Variants in OPRM1 observed in about 807,000 individuals in gnomAD.
OPRM1 encodes mu-type opioid receptor.
A neutral mutation model predicts 31.8 loss-of-function variants in OPRM1; 27 were observed. The ratio of observed to expected loss-of-function variants is 0.85; its 90% CI spans 0.63 to 1.17. The LOEUF is 1.17. Ranked by LOEUF, OPRM1 falls within the 50% of genes most tolerant of loss-of-function variation. The pLI, the probability that OPRM1 is intolerant of heterozygous loss-of-function variation, is 0.00. For synonymous variants in OPRM1, 196 were observed against 189.9 expected (o/e 1.03, Z -0.26); for missense variants, 536 against 511.1 (o/e 1.05, Z -0.47).
At chr6:154,030,051 T>C (rs1403598581) in intron 1 of OPRM1, among the ~76,000 whole-genome samples, 2 of 145,136 alleles carry the variant, frequency 1.4e-5, no homozygotes, top group Non-Finnish European at 2.9e-5. Context: ...CTCTTTCCTT[T>C]AAAAATTACC....
rs1225819973 is a variant in OPRM1, at chr6:154,246,695, A to G, written c.1167A>G (p.Pro389=). The change falls in exon 4 of 4, where the codon CCA becomes CCG. Residue 389 remains proline (P), a splice_region_variant and synonymous_variant. Transcript: ENST00000337049. ...CCCTTTTCCTTTTTCTTATACAGCC[A>G]CCCTTGGCAGTCAGCATGGCCCAGA... 3 of 1,613,786 alleles carry G rather than the reference A, an allele frequency of 1.9e-6. No homozygotes were observed. The Admixed American group carries it at 5.0e-5, about 27-fold the overall frequency.
At chr6:154,231,067 C>G (rs1389841239) in intron 3 of OPRM1, among the ~76,000 whole-genome samples, 3 of 152,188 alleles carry the variant, frequency 2.0e-5, no homozygotes, top group Non-Finnish European at 4.4e-5. Context: ...CCAAAACCCC[C>G]AGGGCACTGG....
chr6:154,115,185 C>T (rs530500238), intron 3 of OPRM1, among the ~76,000 whole-genome samples: 20 of 152,214 alleles, frequency 1.3e-4, no homozygotes, highest in African/African-American at 3.9e-4. Context: ...AGAAGGACCT[C>T]GGAGAACCTA....
intron 3 of OPRM1, among the ~76,000 whole-genome samples, chr6:154,095,146 C>A (rs1793135684): frequency 6.6e-6 from 1 of 152,116 alleles, no homozygotes; most frequent in Non-Finnish European, 1.5e-5. Flanking sequence ...ACAAAATTAG[C>A]CAGGTGTGGT....
intron 1 of OPRM1, among the ~76,000 whole-genome samples, chr6:154,085,859 ACCACATCAGAAC>A (rs1790408999): frequency 6.7e-6 from 1 of 149,762 alleles, no homozygotes. Flanking sequence ...CATTCATGCC[ACCACATCAGAAC>A]AGAATGAAAG....
intron 3 of OPRM1, among the ~76,000 whole-genome samples, chr6:154,101,989 G>A (rs1379345277): frequency 6.6e-6 from 1 of 151,756 alleles, no homozygotes; most frequent in Non-Finnish European, 1.5e-5. Context: ...GTCCAAGCTG[G>A]AGTGCCGTGG....
At position 154,223,266 on chromosome 6, in the gene OPRM1, A is replaced by G. The variant is rs376577920; in HGVS notation, c.1165-23427A>G. ...TGCCTGAAACAAATATATACCACAA[A>G]TAGGAATGAATGCATCAATCCTGGG... On this transcript the variant is annotated intron_variant, in intron 3 of 3. Coordinates refer to the OPRM1 transcript ENST00000337049. 223 of 1,554,638 alleles carry G rather than the reference A, an allele frequency of 1.4e-4. 1 individual carries two copies. The highest frequency in any genetic ancestry group is 1.9e-4 in the Non-Finnish European group (219 of 1,130,218).
chr6:154,198,384 C>T (rs1311241884), intron 3 of OPRM1, among the ~76,000 whole-genome samples: 1 of 152,172 alleles, frequency 6.6e-6, no homozygotes, highest in Non-Finnish European at 1.5e-5. Context: ...TTCCTTTCTC[C>T]TCCCTATGCT....
intron 3 of OPRM1, among the ~76,000 whole-genome samples, chr6:154,092,949 G>A (rs542987015): frequency 3.3e-5 from 5 of 152,208 alleles, no homozygotes; most frequent in South Asian, 4.1e-4. Flanking sequence ...TTTTCTCTAC[G>A]TTTTTTTCCA....
rs1467409855 is a variant in OPRM1, at chr6:154,123,677, A to G, written c.*4956A>G. On this transcript the variant is annotated 3_prime_UTR_variant, in exon 4 of 4. Transcript: ENST00000330432. ...GGGTTTTCTGGGAAAGGAGTGGGCA[A>G]TTCCCAGAACTGAGGGTTCTTCCCC... Among the ~76,000 whole-genome samples, 2 of 152,222 alleles carry G rather than the reference A, an allele frequency of 1.3e-5. No homozygotes were observed. Among genetic ancestry groups the G allele is most frequent in the Non-Finnish European group, 2.9e-5 (2 of 68,040 alleles).
At chr6:154,066,345 A>G (rs1357757062) in intron 1 of OPRM1, among the ~76,000 whole-genome samples, 1 of 152,010 alleles carries the variant, frequency 6.6e-6, no homozygotes, top group Non-Finnish European at 1.5e-5. Context: ...AAGTATTGGT[A>G]TTTGATTTTT....
At chr6:154,047,437 A>G (rs1184225499) in intron 1 of OPRM1, among the ~76,000 whole-genome samples, 4 of 146,076 alleles carry the variant, frequency 2.7e-5, no homozygotes, top group Non-Finnish European at 6.0e-5. Flanking sequence ...CGTGGGCAAA[A>G]TTCTCTCTCT....
chr6:154,030,538 A>C (rs1778948519), intron 1 of OPRM1, among the ~76,000 whole-genome samples: 1 of 152,236 alleles, frequency 6.6e-6, no homozygotes, highest in Non-Finnish European at 1.5e-5. Context: ...TAAGCTAAAA[A>C]AAAACAGAGT....
At position 154,119,018 on chromosome 6, in the gene OPRM1, C is replaced by A; in HGVS notation, c.*297C>A. On this transcript the variant is annotated 3_prime_UTR_variant, in exon 4 of 4. Coordinates refer to ENST00000330432, the MANE Select transcript of OPRM1 (RefSeq NM_000914.5). ...GAATTGAAGTCATCATAAAAGGTGA[C>A]CCTTCTGTCTGTAAGATTTTATTTT... 8.8e-7 allele frequency: 1 copy of A among 1,137,560 alleles called. No individual in the cohort carries two copies. 70.5% of individuals were successfully genotyped at this position (1,137,560 alleles called of 1,614,324 possible).
chr6:154,025,186 T>C (rs920868067), intron 1 of OPRM1, among the ~76,000 whole-genome samples: 2 of 152,078 alleles, frequency 1.3e-5, no homozygotes, highest in Non-Finnish European at 2.9e-5. Context: ...ACTTGCTTTA[T>C]ATATCGGGGT....
chr6:154,052,196 A>T (rs1782352228), intron 1 of OPRM1, among the ~76,000 whole-genome samples: 1 of 152,140 alleles, frequency 6.6e-6, no homozygotes, highest in Non-Finnish European at 1.5e-5. Context: ...GGGCAAGGGG[A>T]CAAGGAGCAT....
At chr6:154,058,853 T>C (rs1412621656) in intron 1 of OPRM1, among the ~76,000 whole-genome samples, 1 of 152,176 alleles carries the variant, frequency 6.6e-6, no homozygotes, top group African/African-American at 2.4e-5. Context: ...TTAAGGAAAG[T>C]ATTAATATTT....
chr6:154,066,934 C>T (rs533019810), intron 1 of OPRM1, among the ~76,000 whole-genome samples: 2 of 152,240 alleles, frequency 1.3e-5, no homozygotes, highest in African/African-American at 4.8e-5. Context: ...GTCATTTCAT[C>T]CAGATTATCC....
At chr6:154,049,362 T>C (rs975894242) in intron 1 of OPRM1, among the ~76,000 whole-genome samples, 4 of 152,282 alleles carry the variant, frequency 2.6e-5, no homozygotes, top group African/African-American at 9.6e-5. Context: ...GTGTTTATAG[T>C]ACAAGCTGAA....
Sources: allele counts gnomAD v4.1 joint callset (sites outside exome capture counted in the v4.1 genomes callset), GRCh38; gene constraint gnomAD v4.1.1; transcripts MANE v1.5; gene names NCBI Gene and HGNC (gene_info 2026-07-23, HGNC 2026-07-21).